The following MYOCD variants were observed in gnomAD, a reference collection of about 807,000 sequenced individuals.
The protein encoded by MYOCD is myocardin.
In MYOCD, 32 loss-of-function variants were observed where a neutral mutation model predicts 96.1. That is an observed-to-expected ratio of 0.33 (90% CI 0.25 to 0.45). The LOEUF is 0.45. Among genes scored for constraint, MYOCD ranks in the 20% least tolerant of loss-of-function variants. The pLI, the probability that MYOCD is intolerant of heterozygous loss-of-function variation, is 1.00. For synonymous variants in MYOCD, 469 were observed against 469.0 expected (o/e 1.00, Z 0.00); for missense variants, 1,133 against 1,200.6 (o/e 0.94, Z 0.83).
At chr17:12,747,410 C>T (rs1251417921) in intron 9 of MYOCD, among the ~76,000 whole-genome samples, 3 of 152,014 alleles carry the variant, frequency 2.0e-5, no homozygotes, top group African/African-American at 7.3e-5. Flanking sequence ...GGGACAGTGG[C>T]AAGTTCATTC....
chr17:12,673,820 G>A (rs1449516841), intron 1 of MYOCD, among the ~76,000 whole-genome samples: 2 of 152,138 alleles, frequency 1.3e-5, no homozygotes, highest in Non-Finnish European at 2.9e-5. Context: ...TTTCTATTTG[G>A]CGATGAATGC....
chr17:12,666,184 T>A lies in MYOCD; in HGVS notation c.-5T>A. On this transcript the variant is annotated 5_prime_UTR_variant, in exon 1 of 14. Coordinates refer to ENST00000425538, the MANE Select transcript of MYOCD (RefSeq NM_001146312.3). ...CAAGGGACCAGCGGCTTGCTGAGAC[T>A]CAACATGACACTCCTGGGGTCTGAG... 1 of 1,613,210 alleles carries A rather than the reference T, an allele frequency of 6.2e-7. No individual in the cohort carries two copies. Among genetic ancestry groups the A allele is most frequent in the Non-Finnish European group, 8.5e-7 (1 of 1,179,320 alleles).
intron 2 of MYOCD, among the ~76,000 whole-genome samples, chr17:12,708,878 G>C (rs1260434007): frequency 6.6e-6 from 1 of 152,138 alleles, no homozygotes; most frequent in African/African-American, 2.4e-5. Flanking sequence ...CGTTCAAAAT[G>C]AATCGCTTGG....
At chr17:12,756,280 A>T in intron 10 of MYOCD, 134 bp from the exon 11 acceptor site, 1 of 1,044,780 alleles carries the variant, frequency 9.6e-7, no homozygotes, top group African/African-American at 1.6e-5. Flanking sequence ...AGGCAAGTTC[A>T]TCTGGTAATG....
rs538048005 is a variant in MYOCD at position 12,750,064 on chromosome 17, C to T, written c.1126-2350C>T. On this transcript the variant is annotated intron_variant, in intron 9 of 13. Transcript: ENST00000425538. ...CGGGGTTTCACCGTGGTCTCGATCT[C>T]CTGACCTCGTGATCCGCCCGCCTCG... 2.6e-5 allele frequency among the ~76,000 whole-genome samples: 4 copies of T among 151,994 alleles called. No homozygotes were observed. The South Asian group carries it at 8.3e-4, about 32-fold the overall frequency.
chr17:12,706,721 A>G (rs955873762), intron 2 of MYOCD, among the ~76,000 whole-genome samples: 2 of 152,196 alleles, frequency 1.3e-5, no homozygotes, highest in Non-Finnish European at 2.9e-5. Flanking sequence ...AACACCTATC[A>G]TGTAAGTTAT....
intron 1 of MYOCD, among the ~76,000 whole-genome samples, chr17:12,674,021 C>T (rs1909868550): frequency 6.6e-6 from 1 of 152,074 alleles, no homozygotes; most frequent in Non-Finnish European, 1.5e-5. Context: ...TGACTCATGC[C>T]TCATCAAAAG....
intron 1 of MYOCD, among the ~76,000 whole-genome samples, chr17:12,704,207 G>T (rs2031197815): frequency 6.6e-6 from 1 of 152,046 alleles, no homozygotes; most frequent in Non-Finnish European, 1.5e-5. Flanking sequence ...AATCCAAGTG[G>T]ATTCAAGCTT....
intron 9 of MYOCD, among the ~76,000 whole-genome samples, chr17:12,752,172 C>T (rs1470385209): frequency 1.3e-5 from 2 of 152,258 alleles, no homozygotes; most frequent in African/African-American, 2.4e-5. Flanking sequence ...TTCATTCAAG[C>T]TCTACATTTC....
intron 1 of MYOCD, among the ~76,000 whole-genome samples, chr17:12,684,641 G>A (rs550248191): frequency 1.3e-5 from 2 of 152,030 alleles, no homozygotes; most frequent in East Asian, 1.9e-4. Flanking sequence ...GGTCAGGAGT[G>A]CAAGATTAGC....
At chr17:12,716,985 C>CAAAAAAAAAAAAAAAA (rs56992216) in intron 3 of MYOCD, among the ~76,000 whole-genome samples, 1 of 112,952 alleles carries the variant, frequency 8.9e-6, no homozygotes, top group Non-Finnish European at 1.7e-5. Context: ...GATGCTGTCT[C>CAAAAAAAAAAAAAAAA]AAAAAAAAAA....
chr17:12,714,501 C>A (rs971719789), intron 2 of MYOCD, among the ~76,000 whole-genome samples: 1 of 151,398 alleles, frequency 6.6e-6, no homozygotes, highest in Non-Finnish European at 1.5e-5. Flanking sequence ...TCCAGACATA[C>A]AATTCAGGGG....
chr17:12,733,293 G>C (rs7224689), intron 5 of MYOCD, among the ~76,000 whole-genome samples: 65,239 of 146,196 alleles, frequency 0.45, 14,781 homozygotes, highest in East Asian at 0.66. Flanking sequence ...CTGGGCAACA[G>C]AGCAAGACTC....
intron 8 of MYOCD, among the ~76,000 whole-genome samples, chr17:12,745,390 G>A (rs1030324860): frequency 9.9e-5 from 15 of 152,024 alleles, no homozygotes; most frequent in Middle Eastern, 3.4e-3. Flanking sequence ...TGTATTTTTA[G>A]TAGAGACAGG....
intron 1 of MYOCD, among the ~76,000 whole-genome samples, chr17:12,676,149 A>G (rs1910023408): frequency 6.6e-6 from 1 of 151,956 alleles, no homozygotes; most frequent in Non-Finnish European, 1.5e-5. Flanking sequence ...GATTTAGAGG[A>G]CGTGGACACT....
chr17:12,683,753 T>G (rs1454988449), intron 1 of MYOCD, among the ~76,000 whole-genome samples: 1 of 152,178 alleles, frequency 6.6e-6, no homozygotes, highest in Non-Finnish European at 1.5e-5. Context: ...AAATTGTAAT[T>G]ATTTGTTTAA....
rs753811442 is a variant in MYOCD, at chr17:12,763,228, A to G, written c.2545A>G (p.Thr849Ala). ...GSQIPFDPYA[T>A]DSDEHLEVLL... is the part of the protein sequence containing the mutation. ...CCAGATCCCCTTTGATCCCTATGCCACCGACAGTGATGAGCATCTTGAAGT... is the reference window on the plus strand; with the variant it reads ...CCAGATCCCCTTTGATCCCTATGCCGCCGACAGTGATGAGCATCTTGAAGT... The change falls in exon 14 of 14, where the codon ACC (threonine) becomes GCC (alanine). Residue 849 changes from threonine to alanine, a missense_variant. Thr to Ala is a moderately conservative substitution (Grantham distance 58). Transcript: ENST00000425538. The G allele has an allele frequency of 3.7e-6, 6 of 1,614,136 alleles. No homozygotes were observed. The South Asian group carries it at 6.6e-5, about 18-fold the overall frequency.
At chr17:12,762,962 C>A in intron 13 of MYOCD, 111 bp from the exon 14 acceptor site, 2 of 824,100 alleles carry the variant, frequency 2.4e-6, no homozygotes, top group Non-Finnish European at 3.8e-6. Flanking sequence ...GGGTGGTGAG[C>A]GGTGACCAGG....
intron 10 of MYOCD, among the ~76,000 whole-genome samples, chr17:12,753,619 A>G (rs2032927755): frequency 6.6e-6 from 1 of 152,132 alleles, no homozygotes. Context: ...TACCTACCCA[A>G]TTTTGCCTTT....
Sources: gnomAD v4.1 joint callset for allele counts (sites outside exome capture counted in the v4.1 genomes callset) on GRCh38, gnomAD v4.1.1 for gene constraint, MANE v1.5 for transcripts, NCBI Gene and HGNC (gene_info 2026-07-23, HGNC 2026-07-21) for gene names.